The following MREG variants were observed in gnomAD, a reference collection of about 807,000 sequenced individuals.
MREG encodes the protein melanoregulin.
A neutral mutation model predicts 28.5 loss-of-function variants in MREG; 31 were observed. The ratio of observed to expected loss-of-function variants is 1.09; its 90% confidence interval spans 0.82 to 1.47. MREG has a LOEUF of 1.47. MREG is among the 40% of genes most tolerant of loss of function. The pLI is 0.00. For synonymous variants in MREG, 106 were observed against 95.2 expected, an observed-to-expected ratio of 1.11 and a Z score of -0.66; for missense variants, 256 against 257.4, an observed-to-expected ratio of 0.99 and a Z score of 0.04.
At chr2:216,016,540 C>T (rs1694451774), upstream of MREG, among the ~76,000 whole-genome samples, 1 of 152,162 alleles carries the variant, frequency 6.6e-6, no homozygotes, top group African/African-American at 2.4e-5. Flanking sequence ...AAACATGTCA[C>T]TTAATTTTTC....
chr2:215,988,185 C>G (rs1026363828), intron 2 of MREG, among the ~76,000 whole-genome samples: 6 of 152,122 alleles, frequency 3.9e-5, no homozygotes, highest in Admixed American at 3.9e-4. Context: ...GCATTTCCAC[C>G]TGAGGTACCT....
intron 2 of MREG, among the ~76,000 whole-genome samples, chr2:215,993,959 T>C (rs574924015): frequency 6.6e-6 from 1 of 152,234 alleles, no homozygotes; most frequent in Admixed American, 6.5e-5. Flanking sequence ...TTTACACTGT[T>C]GGTGGGAGTG....
intron 1 of MREG, among the ~76,000 whole-genome samples, chr2:216,027,906 A>C (rs114294567): frequency 0.011 from 1,682 of 152,332 alleles, 27 homozygotes; most frequent in African/African-American, 0.037. Flanking sequence ...ATGTCGAATA[A>C]ATTTTCAAAG....
At chr2:216,004,065 T>A (rs1694089955) in intron 1 of MREG, among the ~76,000 whole-genome samples, 1 of 152,166 alleles carries the variant, frequency 6.6e-6, no homozygotes, top group African/African-American at 2.4e-5. Flanking sequence ...TCCACCACCC[T>A]GCCCTCTTCA....
At chr2:215,955,695 G>C (rs1422314919) in intron 2 of MREG, among the ~76,000 whole-genome samples, 1 of 152,104 alleles carries the variant, frequency 6.6e-6, no homozygotes, top group Non-Finnish European at 1.5e-5. Context: ...CTAAAAGATA[G>C]AAAAAAATGT....
At chr2:215,974,663 G>A (rs1693194408) in intron 2 of MREG, among the ~76,000 whole-genome samples, 1 of 152,082 alleles carries the variant, frequency 6.6e-6, no homozygotes, top group Admixed American at 6.6e-5. Flanking sequence ...CAGGGGAGGG[G>A]AAGACAGCTG....
intron 2 of MREG, among the ~76,000 whole-genome samples, chr2:215,985,564 A>G (rs1256876242): frequency 6.6e-6 from 1 of 152,176 alleles, no homozygotes; most frequent in African/African-American, 2.4e-5. Flanking sequence ...ACTTTAAGCT[A>G]ATGCCTTTGT....
At chr2:215,942,223 T>A (rs1342651508), downstream of MREG, among the ~76,000 whole-genome samples, 1 of 152,092 alleles carries the variant, frequency 6.6e-6, no homozygotes, top group African/African-American at 2.4e-5. Context: ...TCAACCTGCA[T>A]ACACAGATGA....
intron 2 of MREG, among the ~76,000 whole-genome samples, chr2:215,966,175 T>G (rs1692933799): frequency 6.6e-6 from 1 of 152,178 alleles, no homozygotes; most frequent in Non-Finnish European, 1.5e-5. Flanking sequence ...GGAGACATCC[T>G]CAATGCCCCA....
At chr2:215,958,017 A>C (rs1161890528) in intron 2 of MREG, among the ~76,000 whole-genome samples, 3 of 151,482 alleles carry the variant, frequency 2.0e-5, no homozygotes, top group Non-Finnish European at 4.4e-5. Context: ...CAAAAAACCA[A>C]ACACCGCACG....
chr2:216,016,656 G>A (rs1191600433), upstream of MREG, among the ~76,000 whole-genome samples: 2 of 152,192 alleles, frequency 1.3e-5, no homozygotes, highest in South Asian at 2.1e-4. Flanking sequence ...ATAAAGCCCT[G>A]AAGAAATATC....
At chr2:215,995,074 G>T (rs1574637793) in intron 2 of MREG, among the ~76,000 whole-genome samples, 1 of 152,160 alleles carries the variant, frequency 6.6e-6, no homozygotes, top group African/African-American at 2.4e-5. Flanking sequence ...ACAAGGCCAC[G>T]CATTCCCAAT....
At chr2:215,946,870 G>T (rs548556039) in intron 3 of MREG, among the ~76,000 whole-genome samples, 153 bp downstream of exon 3, 2 of 152,202 alleles carry the variant, frequency 1.3e-5, no homozygotes, top group Admixed American at 1.3e-4. Context: ...TATGCTTGAG[G>T]ATATAAGAGC....
chr2:215,941,120 G>A (rs963487027), downstream of MREG, among the ~76,000 whole-genome samples: 7 of 152,044 alleles, frequency 4.6e-5, no homozygotes, highest in Non-Finnish European at 7.4e-5. Flanking sequence ...GAATTAAATG[G>A]AATTATGATA....
intron 2 of MREG, among the ~76,000 whole-genome samples, chr2:215,951,134 C>A (rs1310413110): frequency 6.6e-6 from 1 of 152,152 alleles, no homozygotes; most frequent in Admixed American, 6.5e-5. Flanking sequence ...GCCTGTGGAA[C>A]TGTGAGTCAA....
At chr2:215,947,215 A>G (rs2105966401) in intron 2 of MREG, 102 bp from the exon 3 acceptor site, 1 of 689,268 alleles carries the variant, frequency 1.5e-6, no homozygotes, top group East Asian at 2.7e-5. Flanking sequence ...CTTCTCTTTT[A>G]TTAATCTTCA....
At chr2:215,956,228 A>G (rs1475541443) in intron 2 of MREG, among the ~76,000 whole-genome samples, 2 of 152,202 alleles carry the variant, frequency 1.3e-5, no homozygotes, top group Non-Finnish European at 2.9e-5. Context: ...GGAAAACCAA[A>G]TGTTCCAAAT....
intron 2 of MREG, among the ~76,000 whole-genome samples, chr2:215,971,129 G>A (rs1333409427): frequency 6.6e-6 from 1 of 152,034 alleles, no homozygotes; most frequent in Non-Finnish European, 1.5e-5. Flanking sequence ...TCACACACTG[G>A]GGCCTGTCAG....
intron 2 of MREG, among the ~76,000 whole-genome samples, chr2:215,958,207 G>A (rs1417065065): frequency 6.6e-6 from 1 of 151,360 alleles, no homozygotes; most frequent in Non-Finnish European, 1.5e-5. Flanking sequence ...GTATACATAT[G>A]TAACAAACCT....
Sources: allele counts gnomAD v4.1 joint callset (sites outside exome capture counted in the v4.1 genomes callset), GRCh38; gene constraint gnomAD v4.1.1; transcripts MANE v1.5; gene names NCBI Gene and HGNC (gene_info 2026-07-23, HGNC 2026-07-21).